ALK: variants seen among roughly 807,000 people sequenced by gnomAD.
ALK encodes ALK receptor tyrosine kinase.
In ALK, 74 loss-of-function variants were observed where a neutral mutation model predicts 163.1. That is an observed-to-expected ratio of 0.45 (90% CI 0.38 to 0.55). The LOEUF is 0.55. Ranked by LOEUF, ALK falls within the 20% of genes least tolerant of loss-of-function variation. The pLI is 0.00. For missense variants in ALK, 2,063 were observed against 2,105.3 expected, an observed-to-expected ratio of 0.98 and a Z score of 0.39; for synonymous variants, 960 against 843.2, an observed-to-expected ratio of 1.14 and a Z score of -2.40.
chr2:29,432,886 G>A (rs531604167), intron 4 of ALK, among the ~76,000 whole-genome samples: 1 of 152,202 alleles, frequency 6.6e-6, no homozygotes, highest in Non-Finnish European at 1.5e-5. Flanking sequence ...AATACATTCA[G>A]AAACCTTAGT....
intron 4 of ALK, among the ~76,000 whole-genome samples, chr2:29,494,843 C>CGTGTGTGTGT (rs35306598): frequency 0.017 from 2,511 of 147,282 alleles, 38 homozygotes; most frequent in African/African-American, 0.04. Context: ...TTTAGAGACT[C>CGTGTGTGTGT]GTGTGTGTGT....
chr2:29,350,928 C>T (rs960148435), intron 5 of ALK, among the ~76,000 whole-genome samples: 38 of 152,308 alleles, frequency 2.5e-4, no homozygotes, highest in African/African-American at 8.7e-4. Context: ...GTTCTGGGAA[C>T]TGTTTTTGGT....
intron 8 of ALK, among the ~76,000 whole-genome samples, chr2:29,302,538 TA>T (rs1426481622): frequency 6.6e-6 from 1 of 152,058 alleles, no homozygotes; most frequent in East Asian, 1.9e-4. Flanking sequence ...AAAAAAGAAT[TA>T]ACCTTCTTTC....
At chr2:29,206,922 T>C (rs923054508) in intron 26 of ALK, among the ~76,000 whole-genome samples, 1 of 152,194 alleles carries the variant, frequency 6.6e-6, no homozygotes, top group Non-Finnish European at 1.5e-5. Context: ...GAAATGCAAA[T>C]TCTCAGCTAG....
At chr2:29,245,183 C>A (rs1313039215) in intron 12 of ALK, among the ~76,000 whole-genome samples, 1 of 149,226 alleles carries the variant, frequency 6.7e-6, no homozygotes, top group South Asian at 2.1e-4. Flanking sequence ...CAGTGCCCTG[C>A]ACACAGTAGG....
At chr2:29,804,103 A>T (rs1399685866) in intron 1 of ALK, among the ~76,000 whole-genome samples, 1 of 152,232 alleles carries the variant, frequency 6.6e-6, no homozygotes, top group Non-Finnish European at 1.5e-5. Flanking sequence ...CTTTTTGCTC[A>T]TTACAGCATT....
intron 1 of ALK, among the ~76,000 whole-genome samples, chr2:29,722,118 T>C (rs1679438408): frequency 6.6e-6 from 1 of 152,220 alleles, no homozygotes; most frequent in South Asian, 2.1e-4. Context: ...TGCCTCCTGC[T>C]TCAGTGGGAA....
At chr2:29,479,489 T>C (rs1021346799) in intron 4 of ALK, among the ~76,000 whole-genome samples, 1 of 152,226 alleles carries the variant, frequency 6.6e-6, no homozygotes, top group Admixed American at 6.5e-5. Flanking sequence ...AAGCTTCTTT[T>C]CTCTTAACTA....
chr2:29,400,719 G>C (rs149059852), intron 4 of ALK, among the ~76,000 whole-genome samples: 2 of 152,126 alleles, frequency 1.3e-5, no homozygotes, highest in Non-Finnish European at 2.9e-5. Context: ...TCACGCCTGT[G>C]GTCCGGGTAC....
In ALK at chr2:29,495,991, C is replaced by T. The variant is rs142308686; in HGVS notation, c.1154+35924G>A. Among the ~76,000 whole-genome samples, 193 of 152,268 alleles carry T rather than the reference C, an allele frequency of 1.3e-3. 4 individuals are homozygous for T. The highest frequency in any genetic ancestry group is 8.5e-3 in the Admixed American group (130 of 15,294). On this transcript the variant is annotated intron_variant, in intron 4 of 28. Transcript: ENST00000389048. The stretch of plus-strand genomic sequence containing the variant: ...AGGAAAAGAGCACAACCTCACATTT[C>T]CTTTCTAAAAGAGGAACGTTTTACA...
intron 3 of ALK, among the ~76,000 whole-genome samples, chr2:29,692,393 C>A (rs147017405): frequency 6.6e-6 from 1 of 152,262 alleles, no homozygotes; most frequent in Non-Finnish European, 1.5e-5. Context: ...AGCAATGGTC[C>A]CCAACCTTTT....
At chr2:29,808,913 G>A (rs751733768) in intron 1 of ALK, among the ~76,000 whole-genome samples, 2 of 152,196 alleles carry the variant, frequency 1.3e-5, no homozygotes, top group African/African-American at 2.4e-5. Context: ...TCATCTTTAT[G>A]TACAGCTTCC....
chr2:29,516,602 G>A (rs1467976433), intron 4 of ALK, among the ~76,000 whole-genome samples: 1 of 152,180 alleles, frequency 6.6e-6, no homozygotes, highest in East Asian at 1.9e-4. Flanking sequence ...CATCTCTTCT[G>A]GAGGGGTCAC....
rs4522563 is a variant in ALK at position 29,545,569 on chromosome 2, G to T, written c.953-13453C>A. ...CTTGCAGCTGAGGAAACAGTCCAGT[G>T]GGTGAAGGGCTATGCCTGGCTTCCA... On this transcript the variant is annotated intron_variant, in intron 3 of 28. Coordinates refer to ENST00000389048, the MANE Select transcript of ALK (RefSeq NM_004304.5). 3.6e-4 allele frequency among the ~76,000 whole-genome samples: 55 copies of T among 152,154 alleles called. No individual in the cohort carries two copies. In the Middle Eastern group the frequency reaches 0.01, roughly 28 times the overall value.
chr2:29,376,420 T>A lies in ALK; in HGVS notation c.1282+7312A>T, dbSNP rs114374601. Among the ~76,000 whole-genome samples the A allele has an allele frequency of 3.4e-3, 522 of 152,344 alleles. 3 individuals are homozygous for A. The highest frequency in any genetic ancestry group is 0.012 in the African/African-American group (505 of 41,568). On this transcript the variant is annotated intron_variant, in intron 5 of 28. Transcript: ENST00000389048. The stretch of plus-strand genomic sequence containing the variant: ...AATTAAATATAACTCAAAGATGCCC[T>A]TTAAGAAAGAGTTCTATGTGAAGTA...
rs1007954900 is a variant in ALK, at chr2:29,250,590, C to T, written c.2204+515G>A. Among the ~76,000 whole-genome samples the T allele has an allele frequency of 2.0e-5, 3 of 152,094 alleles. 1 individual carries two copies. The highest frequency in any genetic ancestry group is 4.4e-5 in the Non-Finnish European group (3 of 68,020). ...AAAGTGGCCAAGTGGAGCTGGATCT[C>T]GTTCCAGCCTGGCTCTGCTCTAAGG... On this transcript the variant is annotated intron_variant, in intron 12 of 28. Transcript: ENST00000389048.
chr2:29,839,484 T>C (rs1665646943), intron 1 of ALK, among the ~76,000 whole-genome samples: 2 of 152,082 alleles, frequency 1.3e-5, no homozygotes, highest in Admixed American at 6.6e-5. Flanking sequence ...ATTAGGATAA[T>C]TGCGGCAATT....
chr2:29,796,930 G>A (rs1346073022), intron 1 of ALK, among the ~76,000 whole-genome samples: 1 of 151,104 alleles, frequency 6.6e-6, no homozygotes, highest in African/African-American at 2.4e-5. Flanking sequence ...CTATCAAATG[G>A]CTCAATGACA....
chr2:29,871,431 C>G (rs1388623542), intron 1 of ALK, among the ~76,000 whole-genome samples: 1 of 152,204 alleles, frequency 6.6e-6, no homozygotes, highest in East Asian at 1.9e-4. Context: ...ATTGCCCACT[C>G]ATCATTCATA....
Sources: allele counts gnomAD v4.1 joint callset (sites outside exome capture counted in the v4.1 genomes callset), GRCh38; gene constraint gnomAD v4.1.1; transcripts MANE v1.5; gene names NCBI Gene and HGNC (gene_info 2026-07-23, HGNC 2026-07-21).